KIF1A: variants seen among roughly 807,000 people sequenced by gnomAD.
KIF1A encodes the protein kinesin-like protein KIF1A.
KIF1A carries 46 observed loss-of-function variants against 227.3 expected under a neutral mutation model. That is an observed-to-expected ratio of 0.20 (90% confidence interval 0.16 to 0.26). The LOEUF (loss-of-function observed/expected upper bound fraction) is 0.26. Ranked by LOEUF, KIF1A falls within the 10% of genes least tolerant of loss-of-function variation. The pLI, the probability that KIF1A is intolerant of heterozygous loss-of-function variation, is 1.00. For synonymous variants in KIF1A, 1,022 were observed against 1,012.8 expected (o/e 1.01, Z -0.17); for missense variants, 1,683 against 2,485.9 (o/e 0.68, Z 6.87).
chr2:240,781,571 C>T (rs1337860290), intron 10 of KIF1A, among the ~76,000 whole-genome samples: 1 of 151,748 alleles, frequency 6.6e-6, no homozygotes, highest in Non-Finnish European at 1.5e-5. Context: ...CCGCTTCCTC[C>T]CCACGCCGCC....
chr2:240,800,166 T>C lies in KIF1A; in HGVS notation c.-60-2354A>G, dbSNP rs118103916. The stretch of plus-strand genomic sequence containing the variant: ...CACACACTAAAGAAAAAGGCAGCAA[T>C]TTAGGGAATGAGGTAAGATCAGTAT... On this transcript the variant is annotated intron_variant, in intron 1 of 48. Coordinates refer to ENST00000498729, the MANE Select transcript of KIF1A (RefSeq NM_001244008.2). 3.4e-5 allele frequency among the ~76,000 whole-genome samples: 5 copies of C among 149,196 alleles called. No homozygotes were observed. The East Asian group carries it at 9.8e-4, about 29-fold the overall frequency.
chr2:240,759,180 T>C (rs559819726), intron 25 of KIF1A, among the ~76,000 whole-genome samples: 3 of 152,198 alleles, frequency 2.0e-5, no homozygotes, highest in African/African-American at 7.2e-5. Context: ...TGCATGAATG[T>C]GTATGTGTGT....
chr2:240,806,739 T>C (rs568814131), intron 1 of KIF1A, among the ~76,000 whole-genome samples: 3 of 152,140 alleles, frequency 2.0e-5, no homozygotes, highest in Non-Finnish European at 4.4e-5. Context: ...TGCATAACTA[T>C]GAGAAAAATA....
chr2:240,811,811 C>A (rs1256543949), intron 1 of KIF1A, among the ~76,000 whole-genome samples: 1 of 152,120 alleles, frequency 6.6e-6, no homozygotes, highest in Non-Finnish European at 1.5e-5. Context: ...CTGGTGGTGG[C>A]AGGGTGGGGT....
chr2:240,751,499 A>AATACCCCTGACCTTCCT (rs2049200479), intron 27 of KIF1A, among the ~76,000 whole-genome samples: 1 of 152,000 alleles, frequency 6.6e-6, no homozygotes, highest in Non-Finnish European at 1.5e-5. Flanking sequence ...TCCACACCCT[A>AATACCCCTGACCTTCCT]ATACCCCTGA....
chr2:240,760,869 G>T (rs777650394), intron 24 of KIF1A, 26 bp from the exon 25 acceptor site: 1 of 1,596,586 alleles, frequency 6.3e-7, no homozygotes, highest in Non-Finnish European at 8.5e-7. Flanking sequence ...ATGACCACTC[G>T]TCAGCTCCTT....
chr2:240,769,773 C>T (rs1029563383), intron 15 of KIF1A, 67 bp from the exon 16 acceptor site: 44 of 1,348,544 alleles, frequency 3.3e-5, no homozygotes, highest in East Asian at 1.2e-4. Flanking sequence ...AATGGAGACA[C>T]GGGTGCCAGG....
chr2:240,742,599 T>C (rs2125765685), intron 34 of KIF1A, among the ~76,000 whole-genome samples: 1 of 152,016 alleles, frequency 6.6e-6, no homozygotes, highest in East Asian at 1.9e-4. Flanking sequence ...TGAAGGAGCG[T>C]CCTAGATTGC....
Position 240,775,059 on chromosome 2 carries a change from AGGC to A in KIF1A, c.958+789_958+791del, listed in dbSNP as rs2052562843. Among the ~76,000 whole-genome samples the A allele has an allele frequency of 6.6e-6, 1 of 152,220 alleles. No homozygotes were observed. Among genetic ancestry groups the A allele is most frequent in the Non-Finnish European group, 1.5e-5 (1 of 68,030 alleles). On this transcript the variant is annotated intron_variant, in intron 11 of 48. Transcript: ENST00000498729. The surrounding 1 kb of genome is among the most constrained non-coding windows in gnomAD (Gnocchi z 5.5). ...GACTGAACCTGGGTGTGCCTGGAGCAGGCGGCTCCTTCCCAGCCCACGTCTCAG... is the reference window on the plus strand; with the variant it reads ...GACTGAACCTGGGTGTGCCTGGAGCAGGCTCCTTCCCAGCCCACGTCTCAG...
rs182395595 is a variant in KIF1A at position 240,789,282 on chromosome 2, G to A, written c.137C>T (p.Thr46Met). Reference protein sequence around the residue: ...TIVNPKQPKETPKSFSFDYSY... With the variant: ...TIVNPKQPKEMPKSFSFDYSY... ...GTAGTCAAAGCTGAAGCTTTTGGGC[G>A]TCTCCTTGGGCTGTTTGGGGTTAAC... is the stretch of plus-strand genomic sequence containing the variant. Residue 46 changes from threonine (T) to methionine (M), a missense_variant, in exon 3 of 49, where the codon ACG becomes ATG. Around this residue, in one of 12 missense-constraint regions of KIF1A, gnomAD observed 71 missense variants for 129.1 expected, o/e 0.55. Coordinates refer to ENST00000498729, the MANE Select transcript of KIF1A (RefSeq NM_001244008.2). The surrounding 1 kb of genome is among the most constrained non-coding windows in gnomAD (Gnocchi z 4.8). The A allele has an allele frequency of 4.5e-5, 72 of 1,613,856 alleles. No homozygotes were observed. Among genetic ancestry groups the A allele is most frequent in the Middle Eastern group, 1.7e-4 (1 of 6,058 alleles).
At chr2:240,723,120 C>T (rs1036933749) in intron 42 of KIF1A, among the ~76,000 whole-genome samples, 1 of 152,224 alleles carries the variant, frequency 6.6e-6, no homozygotes, top group Non-Finnish European at 1.5e-5. Context: ...AGCCCAGCCC[C>T]GCGACTCTCC....
rs1185663353 is a variant in KIF1A at position 240,760,655 on chromosome 2, C to G, written c.2444+10G>C. 3.4e-6 allele frequency: 5 copies of G among 1,471,826 alleles called. No homozygotes were observed. The highest frequency in any genetic ancestry group is 4.5e-6 in the Non-Finnish European group (5 of 1,110,512). 91.2% of individuals were successfully genotyped at this position (1,471,826 alleles called of 1,614,324 possible). ...CTCCCACCATCCACCCAGCGGCCCT[C>G]CAGCCCCACCTGAGCTTCTCCAGCG... On this transcript the variant is annotated intron_variant, in intron 25 of 48. Coordinates refer to ENST00000498729, the MANE Select transcript of KIF1A (RefSeq NM_001244008.2).
chr2:240,792,316 G>A lies in KIF1A; in HGVS notation c.107-3004C>T, dbSNP rs2126117487. Among the ~76,000 whole-genome samples, 1 of 152,092 alleles carries A rather than the reference G, an allele frequency of 6.6e-6. No homozygotes were observed. The highest frequency in any genetic ancestry group is 2.4e-5 in the African/African-American group (1 of 41,494). On this transcript the variant is annotated intron_variant, in intron 2 of 48. Transcript: ENST00000498729. This position sits in a 1 kb window ranked among gnomAD's most constrained non-coding sequence, Gnocchi z 4.5. The stretch of plus-strand genomic sequence containing the variant: ...CTTGTGCAGGTTTGAGGAGGGAGGA[G>A]GGAGAAACAGGTCCTCCCAGGGCCT...
At chr2:240,754,072 G>T (rs540198158) in intron 27 of KIF1A, among the ~76,000 whole-genome samples, 23 of 152,286 alleles carry the variant, frequency 1.5e-4, no homozygotes, top group African/African-American at 5.3e-4. Context: ...TCATGCTGGG[G>T]GCTGGGAGGA....
chr2:240,763,318 A>G lies in KIF1A; in HGVS notation c.1797T>C (p.His599=), dbSNP rs560613557. 6.9e-6 allele frequency: 11 copies of G among 1,593,196 alleles called. No individual in the cohort carries two copies. Among genetic ancestry groups the G allele is most frequent in the African/African-American group, 4.0e-5 (3 of 74,502 alleles). The part of the protein sequence containing the change: ...SGNRIIMGKS[H]VFRFNHPEQA... ...GCTCGGGGTGGTTGAACCGGAACAC[A>G]TGGCTCTTACCCATGATGATGCGGT... The change falls in exon 21 of 49, where the codon CAT becomes CAC. Residue 599 remains histidine (H), a synonymous_variant. Coordinates refer to ENST00000498729, the MANE Select transcript of KIF1A (RefSeq NM_001244008.2).
At chr2:240,720,473 T>G (rs2125581479) in intron 45 of KIF1A, among the ~76,000 whole-genome samples, 1 of 152,248 alleles carries the variant, frequency 6.6e-6, no homozygotes, top group South Asian at 2.1e-4. Context: ...AAAACAAGAG[T>G]GAAAAGCATC....
chr2:240,787,691 G>C (rs941847206), intron 4 of KIF1A, among the ~76,000 whole-genome samples: 1 of 152,140 alleles, frequency 6.6e-6, no homozygotes, highest in Non-Finnish European at 1.5e-5. Flanking sequence ...GAGCTGCTGG[G>C]TCTGGTGTTT....
chr2:240,805,416 C>T (rs2057334575), intron 1 of KIF1A, among the ~76,000 whole-genome samples: 1 of 151,906 alleles, frequency 6.6e-6, no homozygotes, highest in South Asian at 2.1e-4. Flanking sequence ...TGGAGCTCAA[C>T]ACAGAATTAA....
intron 9 of KIF1A, 146 bp downstream of exon 9, chr2:240,782,898 A>G (rs1224361976): frequency 2.7e-6 from 2 of 743,696 alleles, no homozygotes; most frequent in African/African-American, 3.5e-5. Context: ...CTTCTCCAGC[A>G]TGTGACACTC....
Sources: gnomAD v4.1 joint callset for allele counts (sites outside exome capture counted in the v4.1 genomes callset) on GRCh38, gnomAD v4.1.1 for gene constraint, gnomAD v4.1.1 regional missense constraint, Gnocchi (gnomAD v3.1) non-coding constraint, MANE v1.5 for transcripts, NCBI Gene and HGNC (gene_info 2026-07-23, HGNC 2026-07-21) for gene names.